COLEC12: variants seen among roughly 807,000 people sequenced by gnomAD.
COLEC12 encodes collectin-12.
A neutral mutation model predicts 71.1 loss-of-function variants in COLEC12; 33 were observed. The ratio of observed to expected loss-of-function variants is 0.46; its 90% CI spans 0.35 to 0.62. The LOEUF is 0.62. Among genes scored for constraint, COLEC12 ranks in the 20% least tolerant of loss-of-function variants. COLEC12 has a pLI of 0.00. For synonymous variants in COLEC12, 350 were observed against 353.0 expected, an observed-to-expected ratio of 0.99 and a Z score of 0.10; for missense variants, 765 against 916.1, an observed-to-expected ratio of 0.84 and a Z score of 2.13.
At chr18:471,094 T>G (rs187887458) in intron 2 of COLEC12, among the ~76,000 whole-genome samples, 323 of 152,298 alleles carry the variant, frequency 2.1e-3, no homozygotes, top group Non-Finnish European at 3.8e-3. Flanking sequence ...TGAAAGAAAT[T>G]GATCTGTGCA....
intron 2 of COLEC12, among the ~76,000 whole-genome samples, chr18:442,002 T>TACACACACAGACACACACACAC (rs1555620304): frequency 1.1e-4 from 13 of 120,808 alleles, no homozygotes; most frequent in African/African-American, 5.1e-4. Flanking sequence ...TCTCTCTCTC[T>TACACACACAGACACACACACAC]ACACACACAC....
chr18:418,025 G>C (rs1255119522), intron 2 of COLEC12, among the ~76,000 whole-genome samples: 1 of 152,182 alleles, frequency 6.6e-6, no homozygotes, highest in Non-Finnish European at 1.5e-5. Context: ...GCCAGGGTGA[G>C]GGAGGGGTGA....
At position 335,056 on chromosome 18, in the gene COLEC12, G is replaced by T; in HGVS notation, c.1502C>A (p.Ser501Tyr). The stretch of plus-strand genomic sequence containing the variant: ...GCCTTTGGGGCCCTGGGAGCCTTTA[G>T]ATCCTTTGCCGCCACGCTCTCCGGG... ...GPPGERGGKG[S>Y]KGSQGPKGSR... The change falls in exon 6 of 10, where the codon TCT becomes TAT. Residue 501 changes from serine to tyrosine, a missense_variant. Transcript: ENST00000400256. 6.2e-7 allele frequency: 1 copy of T among 1,608,220 alleles called. No homozygotes were observed. The highest frequency in any genetic ancestry group is 8.5e-7 in the Non-Finnish European group (1 of 1,178,190).
chr18:424,935 T>C (rs551894880), intron 2 of COLEC12, among the ~76,000 whole-genome samples: 3 of 152,052 alleles, frequency 2.0e-5, no homozygotes, highest in Non-Finnish European at 4.4e-5. Flanking sequence ...GGTCACCTCA[T>C]GGGTGTGGGG....
At chr18:345,109 C>A (rs567004402) in intron 5 of COLEC12, among the ~76,000 whole-genome samples, 1 of 152,298 alleles carries the variant, frequency 6.6e-6, no homozygotes, top group South Asian at 2.1e-4. Flanking sequence ...GCTTACAGCC[C>A]ATCTTCTGAT....
chr18:342,358 C>T (rs1252911872), intron 5 of COLEC12, among the ~76,000 whole-genome samples: 2 of 152,282 alleles, frequency 1.3e-5, no homozygotes, highest in Non-Finnish European at 2.9e-5. Flanking sequence ...TATCTCTACA[C>T]TATCATCTGC....
At chr18:407,183 A>C (rs1329277392) in intron 2 of COLEC12, among the ~76,000 whole-genome samples, 1 of 152,172 alleles carries the variant, frequency 6.6e-6, no homozygotes, top group East Asian at 1.9e-4. Flanking sequence ...ATTTTAAAGA[A>C]ATTTTCTTTG....
rs975526342 is a variant in COLEC12, at chr18:399,481, G to A, written c.59-41959C>T. On this transcript the variant is annotated intron_variant, in intron 2 of 9. Transcript: ENST00000400256. The surrounding 1 kb of genome is among the most constrained non-coding windows in gnomAD (Gnocchi z 4.0). ...AGGCCACACTCTGCTGTTTCCTACC[G>A]TGTCATTCACTAATGTATTCATTTA... 4.6e-5 allele frequency among the ~76,000 whole-genome samples: 7 copies of A among 152,180 alleles called. No individual in the cohort carries two copies. The highest frequency in any genetic ancestry group is 7.2e-5 in the African/African-American group (3 of 41,442).
At chr18:373,117 A>T (rs1915036875) in intron 2 of COLEC12, among the ~76,000 whole-genome samples, 1 of 152,224 alleles carries the variant, frequency 6.6e-6, no homozygotes, top group Non-Finnish European at 1.5e-5. Context: ...TTTTCCTCTT[A>T]TTCAATTTCC....
At chr18:324,089 G>A (rs1168141216) in intron 8 of COLEC12, among the ~76,000 whole-genome samples, 1 of 152,106 alleles carries the variant, frequency 6.6e-6, no homozygotes, top group Non-Finnish European at 1.5e-5. Context: ...TGGAAAGTGG[G>A]TAGCCTGAAG....
At chr18:417,400 A>G (rs1313962608) in intron 2 of COLEC12, among the ~76,000 whole-genome samples, 1 of 152,244 alleles carries the variant, frequency 6.6e-6, no homozygotes, top group African/African-American at 2.4e-5. Flanking sequence ...TCTGTCATTG[A>G]CCAAAACATC....
intron 2 of COLEC12, among the ~76,000 whole-genome samples, chr18:372,550 TG>T (rs1353839751): frequency 6.6e-6 from 1 of 152,156 alleles, no homozygotes; most frequent in Admixed American, 6.5e-5. Flanking sequence ...CCTCAGTAGC[TG>T]GGACTACATG....
intron 1 of COLEC12, among the ~76,000 whole-genome samples, chr18:484,772 TG>T (rs1420453068): frequency 1.3e-5 from 2 of 152,150 alleles, no homozygotes; most frequent in Non-Finnish European, 2.9e-5. Context: ...CCTTAAGAGT[TG>T]GGTGGATTCA....
At chr18:449,573 G>A (rs1016226969) in intron 2 of COLEC12, among the ~76,000 whole-genome samples, 2 of 152,192 alleles carry the variant, frequency 1.3e-5, no homozygotes, top group Non-Finnish European at 2.9e-5. Context: ...AGACTCACTA[G>A]GCAGCCACGG....
intron 2 of COLEC12, among the ~76,000 whole-genome samples, chr18:409,137 T>C (rs1341888211): frequency 6.6e-6 from 1 of 152,144 alleles, no homozygotes; most frequent in East Asian, 1.9e-4. Context: ...CATCTGGCCA[T>C]GTACCACACT....
chr18:330,873 GTT>G (rs60146586), intron 8 of COLEC12, among the ~76,000 whole-genome samples: 6 of 133,766 alleles, frequency 4.5e-5, no homozygotes, highest in Admixed American at 7.9e-5. Context: ...CACATTTGTA[GTT>G]TTTTTTTTTT....
At chr18:497,383 G>GGTGTGTGT (rs10689788) in intron 1 of COLEC12, among the ~76,000 whole-genome samples, 8,728 of 147,006 alleles carry the variant, frequency 0.059, 243 homozygotes, top group Non-Finnish European at 0.072. Context: ...TAAAGAATGG[G>GGTGTGTGT]GTGTGTGTGT....
chr18:396,280 G>T (rs1220130964), intron 2 of COLEC12, among the ~76,000 whole-genome samples: 1 of 152,194 alleles, frequency 6.6e-6, no homozygotes, highest in African/African-American at 2.4e-5. Context: ...AACTCAAAAA[G>T]TCCTGGTCAC....
chr18:331,692 A>G lies in COLEC12; in HGVS notation c.2039T>C (p.Leu680Pro). The change falls in exon 8 of 10, where the codon CTG becomes CCG. Residue 680 changes from leucine to proline, a missense_variant. Coordinates refer to ENST00000400256, the MANE Select transcript of COLEC12 (RefSeq NM_130386.3). ...CTTGTAGTCTGGAGATGTCCCATCC[A>G]GCCACTTCCATTCATTTTCACGCTC... Reference protein sequence around the residue: ...DSERENEWKWLDGTSPDYKNW... With the variant: ...DSERENEWKWPDGTSPDYKNW... The G allele has an allele frequency of 6.2e-7, 1 of 1,612,098 alleles. No homozygotes were observed. Among genetic ancestry groups the G allele is most frequent in the Non-Finnish European group, 8.5e-7 (1 of 1,178,094 alleles).
Sources: gnomAD v4.1 joint callset for allele counts (sites outside exome capture counted in the v4.1 genomes callset) on GRCh38, gnomAD v4.1.1 for gene constraint, Gnocchi (gnomAD v3.1) non-coding constraint, MANE v1.5 for transcripts, NCBI Gene and HGNC (gene_info 2026-07-23, HGNC 2026-07-21) for gene names.